TEAD2: variants seen among roughly 807,000 people sequenced by gnomAD.
TEAD2 encodes the protein transcriptional enhancer factor TEF-4.
In TEAD2, 51 loss-of-function variants were observed where a neutral mutation model predicts 61.4. That is an observed-to-expected ratio of 0.83 (90% CI 0.66 to 1.05). The LOEUF is 1.05. Ranked by LOEUF, TEAD2 falls within the 50% of genes least tolerant of loss-of-function variation. TEAD2 has a pLI of 0.00. For synonymous variants in TEAD2, 244 were observed against 243.2 expected, an observed-to-expected ratio of 1.00 and a Z score of -0.03; for missense variants, 509 against 600.0, an observed-to-expected ratio of 0.85 and a Z score of 1.58.
chr19:49,359,928 C>A lies in TEAD2; in HGVS notation c.148G>T (p.Glu50Ter). ...DAEGVWSPDI[E>*]QSFQEALAIY... Reference sequence around the variant, plus strand: ...GCCAGGGCCTCCTGGAAGCTCTGCTCAATGTCTGGGCTCCACACCCCCTCT... The same window carrying A: ...GCCAGGGCCTCCTGGAAGCTCTGCTAAATGTCTGGGCTCCACACCCCCTCT... Residue 50 changes from glutamate to a stop codon, truncating the protein, a stop_gained, in exon 2 of 13, where the codon GAG becomes TAG. Coordinates refer to ENST00000593945, the MANE Select transcript of TEAD2 (RefSeq NM_001256660.2). LOFTEE classifies it high-confidence loss of function. The surrounding 1 kb of genome is among the most constrained non-coding windows in gnomAD (Gnocchi z 4.1). The A allele has an allele frequency of 6.2e-7, 1 of 1,612,926 alleles. No individual in the cohort carries two copies.
chr19:49,345,642 C>T (rs537415209), intron 10 of TEAD2, among the ~76,000 whole-genome samples: 1 of 152,172 alleles, frequency 6.6e-6, no homozygotes, highest in Non-Finnish European at 1.5e-5. Context: ...GAGTGAACCA[C>T]CACACCTAGC....
At chr19:49,353,844 A>C (rs566280759) in intron 7 of TEAD2, among the ~76,000 whole-genome samples, 1 of 150,266 alleles carries the variant, frequency 6.7e-6, no homozygotes, top group African/African-American at 2.5e-5. Flanking sequence ...ACAGTGGCAC[A>C]ATCTTGGCTC....
chr19:49,347,300 C>T lies in TEAD2; in HGVS notation c.811G>A (p.Glu271Lys), dbSNP rs774434692. Residue 271 changes from glutamate to lysine, a missense_variant, in exon 10 of 13, where the codon GAG becomes AAG. Transcript: ENST00000593945. ...TAGATCTGCCGGACGTCCACACTCT[C>T]GAGCGGCGGCGCTCCGGGGCTGGGG... ...HCPSPGAPPL[E>K]SVDVRQIYDK... 34 of 1,613,644 alleles carry T rather than the reference C, an allele frequency of 2.1e-5. No individual in the cohort carries two copies. Among genetic ancestry groups the T allele is most frequent in the Non-Finnish European group, 2.7e-5 (32 of 1,180,022 alleles).
chr19:49,357,998 C>T (rs187709249), intron 3 of TEAD2, among the ~76,000 whole-genome samples: 15 of 152,070 alleles, frequency 9.9e-5, no homozygotes, highest in Non-Finnish European at 1.8e-4. Context: ...TTTGGGAGGC[C>T]GAGGCGGGTG....
chr19:49,342,815 C>T (rs1247178300), intron 11 of TEAD2, among the ~76,000 whole-genome samples: 1 of 152,106 alleles, frequency 6.6e-6, no homozygotes, highest in African/African-American at 2.4e-5. Flanking sequence ...AAGTGATTCT[C>T]TGAACCCCCA....
At chr19:49,355,088 G>C (rs1008424215) in intron 7 of TEAD2, 60 bp downstream of exon 7, 1 of 1,367,328 alleles carries the variant, frequency 7.3e-7, no homozygotes, top group African/African-American at 1.4e-5. Context: ...GAGTGAGAAA[G>C]GTCTCTGTGG....
At position 49,341,669 on chromosome 19, in the gene TEAD2, G is replaced by A. The variant is rs1971275353; in HGVS notation, c.1243-232C>T. On this transcript the variant is annotated intron_variant, in intron 12 of 12. Transcript: ENST00000593945. This position sits in a 1 kb window ranked among gnomAD's most constrained non-coding sequence, Gnocchi z 4.2. ...GCAGTTATGGTGTATCACATCTCAG[G>A]GTTAATCGGGTTCCCATCACATCAC... Among the ~76,000 whole-genome samples, 2 of 152,114 alleles carry A rather than the reference G, an allele frequency of 1.3e-5. No individual in the cohort carries two copies. The highest frequency in any genetic ancestry group is 4.1e-4 in the South Asian group (2 of 4,822).
At chr19:49,354,579 T>A (rs1422942108) in intron 7 of TEAD2, among the ~76,000 whole-genome samples, 6 of 151,366 alleles carry the variant, frequency 4.0e-5, no homozygotes, top group African/African-American at 1.5e-4. Flanking sequence ...TACAAACATA[T>A]CCCGTCACCT....
chr19:49,341,494 G>C lies in TEAD2; in HGVS notation c.1243-57C>G. 2.8e-6 allele frequency: 4 copies of C among 1,409,704 alleles called. No individual in the cohort carries two copies. Among genetic ancestry groups the C allele is most frequent in the Non-Finnish European group, 4.0e-6 (4 of 1,000,414 alleles). The allele number at this position is 1,409,704 out of a possible 1,614,324, so 87.3% of individuals were successfully genotyped here. On this transcript the variant is annotated intron_variant, in intron 12 of 12. Transcript: ENST00000593945. The surrounding 1 kb of genome is among the most constrained non-coding windows in gnomAD (Gnocchi z 4.2). ...CTTAGAAGGGAGGGCAGGGACCCCT[G>C]TGCCCCCCTGCCAAGCTATCATGGA... is the stretch of plus-strand genomic sequence containing the variant.
At chr19:49,360,804 G>A (rs1251527689) in intron 1 of TEAD2, among the ~76,000 whole-genome samples, 1 of 137,200 alleles carries the variant, frequency 7.3e-6, no homozygotes, top group Non-Finnish European at 1.6e-5. Context: ...CAGCAAGGGG[G>A]GGGGACAGAG....
Position 49,354,397 on chromosome 19 carries a change from A to G in TEAD2, c.539+751T>C, listed in dbSNP as rs908026890. On this transcript the variant is annotated intron_variant, in intron 7 of 12. Transcript: ENST00000593945. ...CACATGCCTGTAGTCTCAGCTACTC[A>G]GGAGGCTGAGGCAAGAAGATTGCTT... 4.6e-5 allele frequency among the ~76,000 whole-genome samples: 7 copies of G among 151,950 alleles called. 1 individual carries two copies. The South Asian group carries it at 1.5e-3, about 32-fold the overall frequency.
chr19:49,342,972 G>C (rs936073639), intron 11 of TEAD2, among the ~76,000 whole-genome samples: 2 of 151,982 alleles, frequency 1.3e-5, no homozygotes, highest in Non-Finnish European at 2.9e-5. Context: ...CTTGCCCTAA[G>C]AACCTCTCCA....
Position 49,357,304 on chromosome 19 carries a change from T to C in TEAD2, c.308A>G (p.His103Arg). ...KTRTRKQVSS[H>R]IQVLARRKSR... ...TTTCCTTCGGGCCAAAACCTGGATG[T>C]GACTAGAAACCTGGAAGGATCAACG... is the stretch of plus-strand genomic sequence containing the variant. The change falls in exon 4 of 13, where the codon CAC (histidine) becomes CGC (arginine). Residue 103 changes from histidine (H) to arginine (R), a missense_variant. By Grantham distance (29) the His-to-Arg change is conservative. Transcript: ENST00000593945. 1 of 1,613,558 alleles carries C rather than the reference T, an allele frequency of 6.2e-7. No homozygotes were observed. The highest frequency in any genetic ancestry group is 8.5e-7 in the Non-Finnish European group (1 of 1,179,842).
At position 49,341,773 on chromosome 19, in the gene TEAD2, C is replaced by A. The variant is rs1432182920; in HGVS notation, c.1243-336G>T. 1.3e-5 allele frequency among the ~76,000 whole-genome samples: 2 copies of A among 152,160 alleles called. No individual in the cohort carries two copies. The highest frequency in any genetic ancestry group is 4.8e-5 in the African/African-American group (2 of 41,428). ...CCTGCAGGTTCCGCGGTCAAGGGGTCTCTGCCTCAGCAGTCCAAAAAGTTA... is the reference window on the plus strand; with the variant it reads ...CCTGCAGGTTCCGCGGTCAAGGGGTATCTGCCTCAGCAGTCCAAAAAGTTA... On this transcript the variant is annotated intron_variant, in intron 12 of 12. Transcript: ENST00000593945. The surrounding 1 kb of genome is among the most constrained non-coding windows in gnomAD (Gnocchi z 4.2).
rs1300201856 is a variant in TEAD2 at position 49,341,176 on chromosome 19, TG to T, written c.*147del. The stretch of plus-strand genomic sequence containing the variant: ...AACCAAGTTTTGGGGGCCCCTCTAA[TG>T]GGGGGGATGGCCCCAGTTGCTTAGG... On this transcript the variant is annotated 3_prime_UTR_variant, in exon 13 of 13. Coordinates refer to ENST00000593945, the MANE Select transcript of TEAD2 (RefSeq NM_001256660.2). This position sits in a 1 kb window ranked among gnomAD's most constrained non-coding sequence, Gnocchi z 4.2. The T allele has an allele frequency of 4.3e-5, 29 of 677,882 alleles. No homozygotes were observed. Among genetic ancestry groups the T allele is most frequent in the Non-Finnish European group, 6.0e-5 (24 of 401,598 alleles). 42.0% of individuals were successfully genotyped at this position (677,882 alleles called of 1,614,324 possible). A position where few individuals can be genotyped will look rare whatever the true frequency, so the allele number is the denominator to read the frequency against.
rs2146247925 is a variant in TEAD2, at chr19:49,341,228, A to G, written c.*96T>C. On this transcript the variant is annotated 3_prime_UTR_variant, in exon 13 of 13. Coordinates refer to ENST00000593945, the MANE Select transcript of TEAD2 (RefSeq NM_001256660.2). The surrounding 1 kb of genome is among the most constrained non-coding windows in gnomAD (Gnocchi z 4.2). Reference sequence around the variant, plus strand: ...CCTCTGAGGTCAACCCCTTTACATCACAGCCCTCTCCCCAAATAAGAAGCA... The same window carrying G: ...CCTCTGAGGTCAACCCCTTTACATCGCAGCCCTCTCCCCAAATAAGAAGCA... The G allele has an allele frequency of 9.0e-7, 1 of 1,107,912 alleles. No homozygotes were observed. Among genetic ancestry groups the G allele is most frequent in the Non-Finnish European group, 1.4e-6 (1 of 737,182 alleles). 68.6% of individuals were successfully genotyped at this position (1,107,912 alleles called of 1,614,324 possible).
chr19:49,350,442 C>G (rs62126192), intron 8 of TEAD2, among the ~76,000 whole-genome samples: 6 of 152,122 alleles, frequency 3.9e-5, no homozygotes, highest in Non-Finnish European at 5.9e-5. Context: ...GCCTCAGCCT[C>G]CCGAGTAGCT....
chr19:49,355,037 A>G, intron 7 of TEAD2, 111 bp downstream of exon 7: 1 of 712,770 alleles, frequency 1.4e-6, no homozygotes, highest in Non-Finnish European at 2.5e-6. Flanking sequence ...ATACATACAT[A>G]CATACATACA....
intron 10 of TEAD2, among the ~76,000 whole-genome samples, chr19:49,346,165 CAAAAAAA>C (rs10684078): frequency 2.3e-4 from 10 of 44,392 alleles, no homozygotes; most frequent in African/African-American, 6.1e-4. Flanking sequence ...AATTCCATCT[CAAAAAAA>C]AAAAAAAAAA....
Sources: gnomAD v4.1 joint callset for allele counts (sites outside exome capture counted in the v4.1 genomes callset) on GRCh38, gnomAD v4.1.1 for gene constraint, Gnocchi (gnomAD v3.1) non-coding constraint, MANE v1.5 for transcripts, NCBI Gene and HGNC (gene_info 2026-07-23, HGNC 2026-07-21) for gene names.